Variants in DLGAP2 observed in about 807,000 individuals in gnomAD.
The protein encoded by DLGAP2 is disks large-associated protein 2.
In DLGAP2, 26 loss-of-function variants were observed where a neutral mutation model predicts 100.3. The ratio of observed to expected loss-of-function variants is 0.26; its 90% CI spans 0.19 to 0.36. The LOEUF is 0.36. DLGAP2 is among the 10% of genes least tolerant of loss of function. The pLI, the probability that DLGAP2 is intolerant of heterozygous loss-of-function variation, is 1.00. For missense variants in DLGAP2, 1,858 were observed against 1,453.2 expected (o/e 1.28, Z -4.53); for synonymous variants, 886 against 630.1 (o/e 1.41, Z -6.08).
At chr8:1,563,884 CT>C (rs1470681661) in intron 5 of DLGAP2, among the ~76,000 whole-genome samples, 1 of 152,144 alleles carries the variant, frequency 6.6e-6, no homozygotes, top group Non-Finnish European at 1.5e-5. Flanking sequence ...TGGCAGGTTC[CT>C]TTTCTGATGA....
At chr8:1,666,363 C>T (rs945890856) in intron 8 of DLGAP2, among the ~76,000 whole-genome samples, 2 of 152,156 alleles carry the variant, frequency 1.3e-5, no homozygotes, top group Non-Finnish European at 2.9e-5. Context: ...CTTTCCAATG[C>T]ATGCTTTTTA....
At chr8:846,958 T>C (rs541216969) in intron 1 of DLGAP2, among the ~76,000 whole-genome samples, 1 of 152,336 alleles carries the variant, frequency 6.6e-6, no homozygotes, top group South Asian at 2.1e-4. Context: ...TTCTCCTGTT[T>C]TTCTTGTTAG....
intron 8 of DLGAP2, among the ~76,000 whole-genome samples, chr8:1,633,514 C>G (rs1487040918): frequency 6.6e-6 from 1 of 152,202 alleles, no homozygotes; most frequent in Non-Finnish European, 1.5e-5. Context: ...AATGCAGATG[C>G]ACTAACTATC....
At chr8:1,061,228 G>A (rs1036968070) in intron 2 of DLGAP2, among the ~76,000 whole-genome samples, 1 of 152,120 alleles carries the variant, frequency 6.6e-6, no homozygotes, top group African/African-American at 2.4e-5. Context: ...TGAACTCTTT[G>A]GGTCACTGGA....
chr8:742,233 G>A (rs577935257), intron 1 of DLGAP2, among the ~76,000 whole-genome samples: 2 of 152,280 alleles, frequency 1.3e-5, no homozygotes, highest in South Asian at 4.1e-4. Flanking sequence ...GGTACATCGT[G>A]TGTATCGGCA....
At chr8:1,416,304 A>G (rs1207837472) in intron 3 of DLGAP2, among the ~76,000 whole-genome samples, 1 of 152,182 alleles carries the variant, frequency 6.6e-6, no homozygotes, top group Non-Finnish European at 1.5e-5. Flanking sequence ...ACGGCCATGG[A>G]AACCAGCTTC....
chr8:1,341,735 C>T (rs1430853372), intron 3 of DLGAP2, among the ~76,000 whole-genome samples: 9 of 152,152 alleles, frequency 5.9e-5, no homozygotes, highest in African/African-American at 1.4e-4. Flanking sequence ...CTTTTGGGCA[C>T]GTTAGCAGGG....
intron 3 of DLGAP2, among the ~76,000 whole-genome samples, chr8:1,486,879 G>T (rs1799247982): frequency 6.6e-6 from 1 of 152,220 alleles, no homozygotes; most frequent in African/African-American, 2.4e-5. Flanking sequence ...AACTGGAACA[G>T]CCTCTGCCTG....
At chr8:1,636,871 G>C (rs1797778428) in intron 8 of DLGAP2, among the ~76,000 whole-genome samples, 1 of 152,204 alleles carries the variant, frequency 6.6e-6, no homozygotes, top group Non-Finnish European at 1.5e-5. Flanking sequence ...ATGTCAGCTG[G>C]GCTGATCATA....
intron 1 of DLGAP2, among the ~76,000 whole-genome samples, chr8:844,924 C>T (rs765179394): frequency 1.3e-5 from 2 of 152,206 alleles, no homozygotes; most frequent in South Asian, 2.1e-4. Context: ...TAAACAGAAT[C>T]ATACAATATA....
intron 2 of DLGAP2, among the ~76,000 whole-genome samples, chr8:1,027,407 G>T (rs945655359): frequency 6.6e-6 from 1 of 151,076 alleles, no homozygotes; most frequent in African/African-American, 2.4e-5. Context: ...CTCCAGGTGG[G>T]GTGCTCGGTG....
intron 1 of DLGAP2, among the ~76,000 whole-genome samples, chr8:759,324 G>C (rs56874614): frequency 0.3 from 44,779 of 147,638 alleles, 7,830 homozygotes; most frequent in East Asian, 0.87. Flanking sequence ...AATACTGCCT[G>C]AGTGGTGTGT....
intron 2 of DLGAP2, among the ~76,000 whole-genome samples, chr8:1,114,895 C>G (rs555290865): frequency 4.6e-5 from 7 of 152,260 alleles, no homozygotes; most frequent in Admixed American, 1.3e-4. Context: ...TATGTTCTTT[C>G]TTTGTTCTTA....
chr8:951,839 C>T (rs1045839673), intron 2 of DLGAP2, among the ~76,000 whole-genome samples: 4 of 152,200 alleles, frequency 2.6e-5, no homozygotes, highest in Admixed American at 2.0e-4. Flanking sequence ...CCATGTTTAT[C>T]TTACCCCCTT....
intron 1 of DLGAP2, among the ~76,000 whole-genome samples, chr8:882,082 C>G (rs1165393763): frequency 1.3e-5 from 2 of 152,174 alleles, no homozygotes; most frequent in Non-Finnish European, 2.9e-5. Flanking sequence ...ATCACCCAGT[C>G]CAGAGGCTTC....
intron 3 of DLGAP2, among the ~76,000 whole-genome samples, chr8:1,322,766 G>A (rs973940983): frequency 6.6e-6 from 1 of 152,144 alleles, no homozygotes; most frequent in African/African-American, 2.4e-5. Flanking sequence ...AGATCAGATC[G>A]GCTCCTCCCC....
chr8:1,142,074 G>GTT (rs35192349), intron 2 of DLGAP2, among the ~76,000 whole-genome samples: 159 of 149,504 alleles, frequency 1.1e-3, no homozygotes, highest in Admixed American at 1.5e-3. Context: ...ACGTATATAA[G>GTT]TTTTTTTTTT....
chr8:885,506 T>C (rs1797905700), intron 1 of DLGAP2, among the ~76,000 whole-genome samples: 3 of 152,202 alleles, frequency 2.0e-5, no homozygotes, highest in African/African-American at 7.2e-5. Flanking sequence ...TGGTTATCAG[T>C]TCAATAAGTT....
intron 3 of DLGAP2, among the ~76,000 whole-genome samples, chr8:1,269,976 G>A (rs969686597): frequency 1.3e-5 from 2 of 152,296 alleles, no homozygotes; most frequent in African/African-American, 4.8e-5. Flanking sequence ...AAGAAACTGT[G>A]CATCTTGAAA....
Sources: gnomAD v4.1 joint callset for allele counts (sites outside exome capture counted in the v4.1 genomes callset) on GRCh38, gnomAD v4.1.1 for gene constraint, MANE v1.5 for transcripts, NCBI Gene and HGNC (gene_info 2026-07-23, HGNC 2026-07-21) for gene names.